LAMB4: variants seen among roughly 807,000 people sequenced by gnomAD.
LAMB4 encodes laminin subunit beta-4.
In LAMB4, 196 loss-of-function variants were observed where a neutral mutation model predicts 199.2. The observed-to-expected ratio is 0.98, with a 90% CI of 0.88 to 1.11. The LOEUF is 1.11. Among genes scored for constraint, LAMB4 ranks in the 50% least tolerant of loss-of-function variants. LAMB4 has a pLI of 0.00. For missense variants in LAMB4, 2,080 were observed against 2,171.2 expected, an observed-to-expected ratio of 0.96 and a Z score of 0.83; for synonymous variants, 744 against 770.6, an observed-to-expected ratio of 0.97 and a Z score of 0.57.
chr7:108,046,271 A>G (rs1464564191), intron 28 of LAMB4, among the ~76,000 whole-genome samples: 1 of 106,088 alleles, frequency 9.4e-6, no homozygotes, highest in African/African-American at 3.1e-5. Flanking sequence ...TGTATTTTTT[A>G]GTAGAGATGG....
intron 27 of LAMB4, among the ~76,000 whole-genome samples, chr7:108,048,649 C>T (rs1341213511): frequency 6.6e-6 from 1 of 152,140 alleles, no homozygotes; most frequent in Non-Finnish European, 1.5e-5. Context: ...TCTGAGAAAA[C>T]AGTCAAACTT....
intron 29 of LAMB4, among the ~76,000 whole-genome samples, chr7:108,039,960 G>A (rs760251298): frequency 6.6e-6 from 1 of 152,200 alleles, no homozygotes. Context: ...AATAGGAAGA[G>A]AGGAAGTCAA....
intron 29 of LAMB4, among the ~76,000 whole-genome samples, chr7:108,040,695 C>T (rs1042630822): frequency 2.0e-5 from 3 of 152,214 alleles, no homozygotes; most frequent in Admixed American, 2.0e-4. Flanking sequence ...TGTGGGATAA[C>T]TGGCTAGCCA....
rs201160540 is a variant in LAMB4, at chr7:108,116,039, T to C, written c.157A>G (p.Arg53Gly). The change falls in exon 3 of 34, where the codon AGA becomes GGA. Residue 53 changes from arginine (R) to glycine (G), a missense_variant. Coordinates refer to ENST00000388781, the MANE Select transcript of LAMB4 (RefSeq NM_007356.3). ...CTGAGGATGCAGTATTTCTGGGCTC[T>C]GCTCAGCCCACAGGTAGAAGAAGCC... ...LMASSTCGLS[R>G]AQKYCILSYL... 8.4e-5 allele frequency: 135 copies of C among 1,613,888 alleles called. No homozygotes were observed. Among genetic ancestry groups the C allele is most frequent in the Non-Finnish European group, 1.1e-4 (134 of 1,179,912 alleles).
chr7:108,095,124 C>G (rs1348280791), intron 12 of LAMB4, 104 bp downstream of exon 12: 13 of 780,318 alleles, frequency 1.7e-5, no homozygotes, highest in Admixed American at 9.1e-5. Flanking sequence ...AGTATTAAAA[C>G]ACAATAGGAC....
chr7:108,074,549 A>G (rs1312441467), intron 17 of LAMB4, among the ~76,000 whole-genome samples: 1 of 151,988 alleles, frequency 6.6e-6, no homozygotes, highest in African/African-American at 2.4e-5. Context: ...TTGTATTTTC[A>G]GTAGAGACGG....
At chr7:108,068,765 C>T (rs1471468758) in intron 18 of LAMB4, among the ~76,000 whole-genome samples, 1 of 152,144 alleles carries the variant, frequency 6.6e-6, no homozygotes, top group East Asian at 1.9e-4. Context: ...GTGATCTTGG[C>T]TCACTGCAAC....
chr7:108,056,402 C>T (rs1052448560), intron 24 of LAMB4, among the ~76,000 whole-genome samples: 1 of 152,186 alleles, frequency 6.6e-6, no homozygotes, highest in African/African-American at 2.4e-5. Flanking sequence ...GGTCACACTT[C>T]TTCTGAGTAA....
chr7:108,062,175 C>G (rs1160536097), intron 23 of LAMB4, among the ~76,000 whole-genome samples: 1 of 152,120 alleles, frequency 6.6e-6, no homozygotes, highest in Non-Finnish European at 1.5e-5. Flanking sequence ...ATTAAAAATT[C>G]TGTGCCCACT....
At chr7:108,031,190 G>C (rs1317362962) in intron 31 of LAMB4, among the ~76,000 whole-genome samples, 1 of 151,458 alleles carries the variant, frequency 6.6e-6, no homozygotes, top group African/African-American at 2.4e-5. Context: ...CCTAGCGTGG[G>C]GTGCATGCCT....
intron 3 of LAMB4, among the ~76,000 whole-genome samples, chr7:108,114,013 T>C (rs2038324160): frequency 6.6e-6 from 1 of 152,210 alleles, no homozygotes; most frequent in South Asian, 2.1e-4. Context: ...CAGTTGGAGT[T>C]ACTTCTATTT....
chr7:108,056,028 A>G (rs762715596), intron 24 of LAMB4, 21 bp from the exon 25 acceptor site: 1 of 1,583,694 alleles, frequency 6.3e-7, no homozygotes, highest in African/African-American at 1.4e-5. Flanking sequence ...AAACAGAAGG[A>G]GCAGAGAATG....
chr7:108,105,486 A>C (rs2037971186), intron 8 of LAMB4, among the ~76,000 whole-genome samples: 1 of 152,202 alleles, frequency 6.6e-6, no homozygotes, highest in African/African-American at 2.4e-5. Flanking sequence ...GCACTTTTGC[A>C]CCAACCCAAT....
At chr7:108,094,770 C>T (rs2037533264) in intron 12 of LAMB4, among the ~76,000 whole-genome samples, 2 of 151,960 alleles carry the variant, frequency 1.3e-5, no homozygotes, top group Non-Finnish European at 2.9e-5. Flanking sequence ...GAGTTTATTT[C>T]CCACAGGAAT....
intron 12 of LAMB4, among the ~76,000 whole-genome samples, chr7:108,094,211 T>G (rs1010228366): frequency 2.0e-5 from 3 of 152,250 alleles, no homozygotes; most frequent in African/African-American, 7.2e-5. Context: ...AAAGTCAGCC[T>G]GAGCCTAAGC....
chr7:108,055,877 AG>A lies in LAMB4; in HGVS notation c.3509del (p.Pro1170LeufsTer27). The A allele has an allele frequency of 6.2e-7, 1 of 1,614,182 alleles. No individual in the cohort carries two copies. Among genetic ancestry groups the A allele is most frequent in the Non-Finnish European group, 8.5e-7 (1 of 1,180,034 alleles). On this transcript the variant is annotated frameshift_variant, in exon 25 of 34. Coordinates refer to ENST00000388781, the MANE Select transcript of LAMB4 (RefSeq NM_007356.3). LOFTEE classifies it high-confidence loss of function. ...RCARGHSQEF[P>X]TCLQCHLCFD... ...AGCACAAGTGACATTGAAGACAAGT[AG>A]GGAATTCCTGGCTGTGTCCCCGGGC...
chr7:108,128,945 G>A (rs2038887995), intron 1 of LAMB4, among the ~76,000 whole-genome samples: 1 of 152,084 alleles, frequency 6.6e-6, no homozygotes, highest in East Asian at 1.9e-4. Context: ...AAAGGCGCTG[G>A]GTGCATTTTG....
chr7:108,043,586 T>G (rs1288727366), intron 29 of LAMB4, among the ~76,000 whole-genome samples, 166 bp downstream of exon 29: 1 of 44,786 alleles, frequency 2.2e-5, no homozygotes, highest in Non-Finnish European at 3.3e-5. Context: ...TTTTTTTTTT[T>G]TTTTTTTTTT....
At position 108,068,068 on chromosome 7, in the gene LAMB4, G is replaced by A; in HGVS notation, c.2394C>T (p.Cys798=). The change falls in exon 19 of 34, where the codon TGC becomes TGT. Residue 798 remains cysteine, a synonymous_variant. Coordinates refer to ENST00000388781, the MANE Select transcript of LAMB4 (RefSeq NM_007356.3). ...CQCKPLVVGR[C]CDRCSTGSYD... ...AGCTTCCAGTTGAGCACCTGTCACA[G>A]CAGCGCCCGACCACAAGAGGTTTAC... 6.2e-7 allele frequency: 1 copy of A among 1,614,176 alleles called. No individual in the cohort carries two copies. Among genetic ancestry groups the A allele is most frequent in the Non-Finnish European group, 8.5e-7 (1 of 1,180,032 alleles).
Sources: gnomAD v4.1 joint callset for allele counts (sites outside exome capture counted in the v4.1 genomes callset) on GRCh38, gnomAD v4.1.1 for gene constraint, MANE v1.5 for transcripts, NCBI Gene and HGNC (gene_info 2026-07-23, HGNC 2026-07-21) for gene names.